RTN1: variants seen among roughly 807,000 people sequenced by gnomAD.
The protein encoded by RTN1 is reticulon-1.
Under a neutral mutation model 65.5 loss-of-function variants are expected in RTN1, and 25 were observed. That is an observed-to-expected ratio of 0.38 (90% confidence interval 0.28 to 0.53). RTN1 has a LOEUF of 0.53. RTN1 is among the 20% of genes least tolerant of loss of function. The pLI is 0.79. For missense variants in RTN1, 983 were observed against 1,025.4 expected (o/e 0.96, Z 0.57); for synonymous variants, 471 against 447.6 (o/e 1.05, Z -0.66).
intron 3 of RTN1, among the ~76,000 whole-genome samples, chr14:59,706,241 G>A (rs58738541): frequency 0.019 from 2,951 of 152,212 alleles, 96 homozygotes; most frequent in African/African-American, 0.067. Context: ...CTCTCCCAGA[G>A]GCCAGAAGAA....
chr14:59,732,491 A>G (rs1350004404), intron 2 of RTN1, among the ~76,000 whole-genome samples: 1 of 152,210 alleles, frequency 6.6e-6, no homozygotes, highest in Non-Finnish European at 1.5e-5. Flanking sequence ...TCCACCCAGA[A>G]GCAACACAAA....
intron 3 of RTN1, among the ~76,000 whole-genome samples, chr14:59,619,674 A>T (rs7148487): frequency 0.9 from 137,478 of 152,104 alleles, 62,194 homozygotes; most frequent in East Asian, 0.99. Context: ...GATGAAACCA[A>T]CCTTTGGGAT....
At chr14:59,641,059 G>A (rs1323560241) in intron 3 of RTN1, among the ~76,000 whole-genome samples, 2 of 152,034 alleles carry the variant, frequency 1.3e-5, no homozygotes, top group Non-Finnish European at 2.9e-5. Flanking sequence ...CTGGGCTCAG[G>A]TGATCCTCCC....
At position 59,728,290 on chromosome 14, in the gene RTN1, A is replaced by T. The variant is rs890924731; in HGVS notation, c.1016-622T>A. Among the ~76,000 whole-genome samples the T allele has an allele frequency of 2.8e-5, 4 of 142,152 alleles. No individual in the cohort carries two copies. In the Admixed American group the frequency reaches 2.9e-4, roughly 10 times the overall value. 93.3% of individuals were successfully genotyped at this position (142,152 alleles called of 152,430 possible). On this transcript the variant is annotated intron_variant, in intron 2 of 8. Coordinates refer to ENST00000267484, the MANE Select transcript of RTN1 (RefSeq NM_021136.3). Reference sequence around the variant, plus strand: ...TTTTTTTTTTGCAACTAAGTGGAGCAATGTAAGAGATCACTTCTGCCAATT... The same window carrying T: ...TTTTTTTTTTGCAACTAAGTGGAGCTATGTAAGAGATCACTTCTGCCAATT...
chr14:59,662,950 T>C (rs1424991238), intron 3 of RTN1, among the ~76,000 whole-genome samples: 1 of 151,996 alleles, frequency 6.6e-6, no homozygotes, highest in East Asian at 1.9e-4. Context: ...AAAGAGCCCA[T>C]ATAGCCAAGA....
At chr14:59,628,470 G>A (rs1184598265) in intron 3 of RTN1, among the ~76,000 whole-genome samples, 1 of 151,810 alleles carries the variant, frequency 6.6e-6, no homozygotes, top group Non-Finnish European at 1.5e-5. Flanking sequence ...CTCACAGTGA[G>A]GAGAAAAAAA....
chr14:59,706,708 G>A (rs1884301802), intron 3 of RTN1, among the ~76,000 whole-genome samples: 1 of 152,160 alleles, frequency 6.6e-6, no homozygotes, highest in Non-Finnish European at 1.5e-5. Context: ...GAATCTCTTT[G>A]TTTCTAATGA....
At position 59,605,482 on chromosome 14, in the gene RTN1, G is replaced by A; in HGVS notation, c.1998C>T (p.Thr666=). ...PFKAYLELEI[T]LSQEQIQKYT... is the part of the protein sequence containing the mutation. ...ACTTCTGAATCTGCTCCTGAGAAAG[G>A]GTGATCTCAAGCTCCAAGTAGGCCC... The change falls in exon 5 of 9, where the codon ACC becomes ACT. Residue 666 remains threonine, a synonymous_variant. Coordinates refer to ENST00000267484, the MANE Select transcript of RTN1 (RefSeq NM_021136.3). 6.2e-7 allele frequency: 1 copy of A among 1,614,080 alleles called. No individual in the cohort carries two copies. Among genetic ancestry groups the A allele is most frequent in the African/African-American group, 1.3e-5 (1 of 75,012 alleles).
intron 2 of RTN1, among the ~76,000 whole-genome samples, chr14:59,729,247 T>A (rs533738300): frequency 6.6e-6 from 1 of 152,260 alleles, no homozygotes; most frequent in South Asian, 2.1e-4. Context: ...GCAAAGTGAA[T>A]AAGTTGGGAA....
At chr14:59,630,562 C>G (rs927645856) in intron 3 of RTN1, 7 of 1,608,304 alleles carry the variant, frequency 4.4e-6, no homozygotes, top group African/African-American at 2.7e-5. Context: ...AGCGTGCACT[C>G]AAGCGTTGGT....
chr14:59,818,255 T>G (rs1455052819), intron 1 of RTN1, among the ~76,000 whole-genome samples: 1 of 152,222 alleles, frequency 6.6e-6, no homozygotes, highest in Non-Finnish European at 1.5e-5. Context: ...CTTATTTTCT[T>G]TACCCAGTCC....
chr14:59,749,198 CTATATATATATCTATATATATCTATA>C (rs1885310798), intron 1 of RTN1, among the ~76,000 whole-genome samples: 2 of 45,150 alleles, frequency 4.4e-5, no homozygotes, highest in African/African-American at 2.7e-4. Flanking sequence ...CTATATATAT[CTATATATATATCTATATATATCTATA>C]TATCTATATA....
At chr14:59,642,835 C>T (rs1594649098) in intron 3 of RTN1, among the ~76,000 whole-genome samples, 1 of 152,130 alleles carries the variant, frequency 6.6e-6, no homozygotes, top group Non-Finnish European at 1.5e-5. Context: ...CATGTTTTTG[C>T]CTGTTATATG....
intron 3 of RTN1, among the ~76,000 whole-genome samples, chr14:59,621,856 T>C (rs1291053115): frequency 6.6e-6 from 1 of 152,222 alleles, no homozygotes; most frequent in Non-Finnish European, 1.5e-5. Context: ...GTGCAGCTAT[T>C]TATATTTTAT....
At chr14:59,709,158 G>T (rs192311956) in intron 3 of RTN1, among the ~76,000 whole-genome samples, 1 of 152,198 alleles carries the variant, frequency 6.6e-6, no homozygotes, top group Admixed American at 6.5e-5. Flanking sequence ...GTACACTGAA[G>T]CTTGTAGGGG....
rs971442476 is a variant in RTN1, at chr14:59,629,007, TATC to T, written c.1766-21518_1766-21516del. On this transcript the variant is annotated intron_variant, in intron 3 of 8. Transcript: ENST00000267484. ...GCCATAGTTGTTTGTCAGGTGTGTA[TATC>T]AAATAAACTGGATGGATCTAAACAC... 3.1e-4 allele frequency among the ~76,000 whole-genome samples: 47 copies of T among 152,218 alleles called. 1 individual carries two copies. The highest frequency in any genetic ancestry group is 4.4e-5 in the Non-Finnish European group (3 of 68,036).
At chr14:59,833,347 T>C (rs1298458345) in intron 1 of RTN1, among the ~76,000 whole-genome samples, 1 of 152,190 alleles carries the variant, frequency 6.6e-6, no homozygotes, top group Non-Finnish European at 1.5e-5. Flanking sequence ...TGAATTCCTA[T>C]GGGCGATATA....
chr14:59,617,305 C>T (rs1882129862), intron 3 of RTN1, among the ~76,000 whole-genome samples: 1 of 152,116 alleles, frequency 6.6e-6, no homozygotes, highest in African/African-American at 2.4e-5. Flanking sequence ...TATTTTGGGA[C>T]CTCAAGAGAA....
intron 2 of RTN1, among the ~76,000 whole-genome samples, chr14:59,737,151 GA>G (rs1885018535): frequency 6.6e-6 from 1 of 152,162 alleles, no homozygotes; most frequent in Non-Finnish European, 1.5e-5. Flanking sequence ...CACAGTATTG[GA>G]AGTTCTGGCC....
Sources: gnomAD v4.1 joint callset for allele counts (sites outside exome capture counted in the v4.1 genomes callset) on GRCh38, gnomAD v4.1.1 for gene constraint, MANE v1.5 for transcripts, NCBI Gene and HGNC (gene_info 2026-07-23, HGNC 2026-07-21) for gene names.